Variants in IGF2BP2 observed in about 807,000 individuals in gnomAD.
The protein encoded by IGF2BP2 is insulin-like growth factor 2 mRNA-binding protein 2.
Under a neutral mutation model 75.8 loss-of-function variants are expected in IGF2BP2, and 17 were observed. The ratio of observed to expected loss-of-function variants is 0.22; its 90% CI spans 0.15 to 0.34. The LOEUF is 0.34. Among genes scored for constraint, IGF2BP2 ranks in the 10% least tolerant of loss-of-function variants. The probability of loss-of-function intolerance (pLI) is 1.00; values close to 1 mark genes in which losing one functional copy is unlikely to be tolerated. For synonymous variants in IGF2BP2, 288 were observed against 295.6 expected (o/e 0.97, Z 0.26); for missense variants, 516 against 772.4 (o/e 0.67, Z 3.93).
chr3:185,743,240 G>A (rs77761704), intron 2 of IGF2BP2, among the ~76,000 whole-genome samples: 4,672 of 151,982 alleles, frequency 0.031, 209 homozygotes, highest in African/African-American at 0.1. Context: ...GGAGAGAGAC[G>A]ATGGAAGAAA....
At chr3:185,745,387 A>C (rs888667193) in intron 2 of IGF2BP2, among the ~76,000 whole-genome samples, 1 of 152,202 alleles carries the variant, frequency 6.6e-6, no homozygotes, top group African/African-American at 2.4e-5. Context: ...TAAACTTTTC[A>C]AAAGTACAGA....
intron 2 of IGF2BP2, among the ~76,000 whole-genome samples, chr3:185,790,318 T>C (rs1041942442): frequency 2.6e-5 from 4 of 152,126 alleles, no homozygotes; most frequent in African/African-American, 7.2e-5. Flanking sequence ...GTCCCCCAAA[T>C]ACAATAATTT....
At chr3:185,668,135 C>T (rs997748642) in intron 10 of IGF2BP2, among the ~76,000 whole-genome samples, 1 of 151,996 alleles carries the variant, frequency 6.6e-6, no homozygotes, top group Non-Finnish European at 1.5e-5. Context: ...TTGACATTGT[C>T]TATAATACAA....
chr3:185,783,196 C>T (rs958331504), intron 2 of IGF2BP2, among the ~76,000 whole-genome samples: 1 of 152,102 alleles, frequency 6.6e-6, no homozygotes, highest in Admixed American at 6.6e-5. Flanking sequence ...TCTTGTTCTA[C>T]GAACAGCAAT....
At position 185,696,608 on chromosome 3, in the gene IGF2BP2, T is replaced by C. The variant is rs1314976995; in HGVS notation, c.340+4A>G. ...AAAACCCAAAAGGCTTCCTCACTTA[T>C]TACCTTGTTCCACATTCTCCACTGT... On this transcript the variant is annotated splice_donor_region_variant and intron_variant, in intron 4 of 15. Transcript: ENST00000382199. The C allele has an allele frequency of 3.1e-6, 5 of 1,613,276 alleles. No homozygotes were observed. The highest frequency in any genetic ancestry group is 4.2e-6 in the Non-Finnish European group (5 of 1,179,478).
At chr3:185,785,017 TGG>T (rs1735676794) in intron 2 of IGF2BP2, among the ~76,000 whole-genome samples, 1 of 152,126 alleles carries the variant, frequency 6.6e-6, no homozygotes, top group African/African-American at 2.4e-5. Context: ...ACAGCTGACG[TGG>T]GACAGGCACG....
chr3:185,735,727 AT>A (rs1278118118), intron 2 of IGF2BP2, among the ~76,000 whole-genome samples: 8 of 152,312 alleles, frequency 5.3e-5, no homozygotes, highest in African/African-American at 1.9e-4. Flanking sequence ...ACTAAATAGC[AT>A]CTCCTAATCC....
intron 1 of IGF2BP2, 109 bp downstream of exon 1, chr3:185,824,674 G>A: frequency 5.2e-6 from 4 of 769,656 alleles, no homozygotes; most frequent in Non-Finnish European, 7.0e-6. Flanking sequence ...TGAGCGTGCG[G>A]GCGCGGGAGC....
intron 2 of IGF2BP2, among the ~76,000 whole-genome samples, chr3:185,808,135 A>G (rs1168876584): frequency 1.4e-5 from 1 of 70,352 alleles, no homozygotes; most frequent in Admixed American, 1.2e-4. Context: ...AAAAAAAAAA[A>G]GAAAGAAAGA....
intron 6 of IGF2BP2, 144 bp downstream of exon 6, chr3:185,689,211 T>C (rs1650577228): frequency 5.1e-6 from 4 of 781,262 alleles, no homozygotes; most frequent in South Asian, 1.8e-5. Context: ...AGTCTGTTAG[T>C]AGTCCTGTTG....
chr3:185,739,410 T>G (rs1261466391), intron 2 of IGF2BP2, among the ~76,000 whole-genome samples: 2 of 152,230 alleles, frequency 1.3e-5, no homozygotes, highest in African/African-American at 4.8e-5. Context: ...TCTTTTAAAC[T>G]AAGTCCTTCA....
intron 10 of IGF2BP2, among the ~76,000 whole-genome samples, chr3:185,668,935 C>A (rs1252572087): frequency 6.6e-6 from 1 of 151,984 alleles, no homozygotes; most frequent in East Asian, 1.9e-4. Context: ...TAGCAAGTGA[C>A]AGTGTAGAAA....
chr3:185,707,737 C>G (rs1035303646), intron 2 of IGF2BP2, among the ~76,000 whole-genome samples: 1 of 151,990 alleles, frequency 6.6e-6, no homozygotes, highest in African/African-American at 2.4e-5. Flanking sequence ...GGAAATCAAA[C>G]AAAAACAAAA....
At chr3:185,715,758 C>T (rs1725514619) in intron 2 of IGF2BP2, among the ~76,000 whole-genome samples, 1 of 152,142 alleles carries the variant, frequency 6.6e-6, no homozygotes, top group African/African-American at 2.4e-5. Context: ...ATTCCCCTGC[C>T]TTAACCTCCC....
intron 2 of IGF2BP2, among the ~76,000 whole-genome samples, chr3:185,732,735 A>G (rs1728355347): frequency 6.6e-6 from 1 of 152,272 alleles, no homozygotes; most frequent in Non-Finnish European, 1.5e-5. Context: ...TCACTGCTGT[A>G]GCTTGAACTG....
chr3:185,775,884 T>C (rs774509796), intron 2 of IGF2BP2, among the ~76,000 whole-genome samples: 73 of 152,198 alleles, frequency 4.8e-4, no homozygotes, highest in Non-Finnish European at 8.7e-4. Flanking sequence ...GAAATACTTA[T>C]ATATAAGCGT....
intron 2 of IGF2BP2, chr3:185,717,189 G>C (rs542006332): frequency 5.5e-6 from 1 of 180,822 alleles, no homozygotes; most frequent in African/African-American, 2.4e-5. Context: ...TGGGCACCCC[G>C]GTCTATTTAT....
chr3:185,821,101 T>C (rs1186813232), intron 2 of IGF2BP2: 1 of 1,530,288 alleles, frequency 6.5e-7, no homozygotes, highest in East Asian at 2.5e-5. Flanking sequence ...CAGTACACAA[T>C]ACCGGTCATT....
chr3:185,793,726 T>A (rs1472919938), intron 2 of IGF2BP2, among the ~76,000 whole-genome samples: 1 of 152,130 alleles, frequency 6.6e-6, no homozygotes, highest in Non-Finnish European at 1.5e-5. Context: ...TGATTTCTTC[T>A]GATAACACAA....
Sources: gnomAD v4.1 joint callset for allele counts (sites outside exome capture counted in the v4.1 genomes callset) on GRCh38, gnomAD v4.1.1 for gene constraint, MANE v1.5 for transcripts, NCBI Gene and HGNC (gene_info 2026-07-23, HGNC 2026-07-21) for gene names.